The following RAP1B variants were observed in gnomAD, a reference collection of about 807,000 sequenced individuals.
The protein encoded by RAP1B is ras-related protein Rap-1b.
RAP1B carries 1 observed loss-of-function variant against 27.5 expected under a neutral mutation model. That is an observed-to-expected ratio of 0.04 (90% CI 0.01 to 0.17). The LOEUF is 0.17. RAP1B is among the 10% of genes least tolerant of loss of function. The probability of loss-of-function intolerance (pLI) is 1.00; values close to 1 mark genes in which losing one functional copy is unlikely to be tolerated. For synonymous variants in RAP1B, 75 were observed against 73.1 expected, an observed-to-expected ratio of 1.03 and a Z score of -0.13; for missense variants, 84 against 214.8, an observed-to-expected ratio of 0.39 and a Z score of 3.81.
chr12:68,662,587 T>C lies in RAP1B; in HGVS notation c.*3338T>C, dbSNP rs911886435. ...AACTTTTCTTTGAGTTAAACTCTTA[T>C]CTGTGTTTTCATTGAATTTAATCTC... On this transcript the variant is annotated 3_prime_UTR_variant, in exon 8 of 8. Transcript: ENST00000250559. The C allele has an allele frequency of 5.3e-5, 8 of 152,128 alleles. No individual in the cohort carries two copies. Among genetic ancestry groups the C allele is most frequent in the East Asian group, 3.9e-4 (2 of 5,194 alleles). The allele number at this position is 152,128 out of a possible 1,614,324, so 9.4% of individuals were successfully genotyped here.
In RAP1B at chr12:68,648,686, T is replaced by TC; in HGVS notation, c.-26-13_-26-12insC. 1 of 1,584,832 alleles carries TC rather than the reference T, an allele frequency of 6.3e-7. No homozygotes were observed. Among genetic ancestry groups the TC allele is most frequent in the South Asian group, 1.1e-5 (1 of 88,118 alleles). Reference sequence around the variant, plus strand: ...TTTACTTAGAATTCTTTTTTTTTTTTTCCTTTAATAAGGTACTAGGTTTTG... The same window carrying TC: ...TTTACTTAGAATTCTTTTTTTTTTTTCTCCTTTAATAAGGTACTAGGTTTTG... On this transcript the variant is annotated splice_polypyrimidine_tract_variant and intron_variant, in intron 1 of 7. Transcript: ENST00000250559.
chr12:68,657,725 AACACACACACACAC>A (rs61700927), intron 7 of RAP1B: 1,999 of 126,226 alleles, frequency 0.016, 33 homozygotes, highest in African/African-American at 0.035. Flanking sequence ...CCTAATTTAA[AACACACACACACAC>A]ACACACACAC....
At chr12:68,624,020 CAG>C (rs1491559881) in intron 1 of RAP1B, among the ~76,000 whole-genome samples, 1 of 141,640 alleles carries the variant, frequency 7.1e-6, no homozygotes, top group East Asian at 2.0e-4. Flanking sequence ...GACTCTATCT[CAG>C]GGAAAAAAAA....
intron 1 of RAP1B, among the ~76,000 whole-genome samples, chr12:68,620,588 A>G (rs1315821080): frequency 6.6e-6 from 1 of 150,864 alleles, no homozygotes; most frequent in Non-Finnish European, 1.5e-5. Flanking sequence ...GGATAAGTCC[A>G]AATTTTATTT....
intron 1 of RAP1B, among the ~76,000 whole-genome samples, chr12:68,639,418 C>T (rs1031120907): frequency 1.3e-5 from 2 of 152,226 alleles, no homozygotes; most frequent in African/African-American, 4.8e-5. Context: ...TTACTTTCTA[C>T]AGCTTGTTGT....
intron 5 of RAP1B, among the ~76,000 whole-genome samples, chr12:68,654,885 C>T (rs569011234): frequency 6.6e-6 from 1 of 152,266 alleles, no homozygotes; most frequent in Non-Finnish European, 1.5e-5. Context: ...ATCAGAATCA[C>T]CTGTAGGACC....
intron 5 of RAP1B, among the ~76,000 whole-genome samples, chr12:68,654,622 C>T (rs907810149): frequency 4.0e-5 from 6 of 151,762 alleles, no homozygotes; most frequent in Non-Finnish European, 8.8e-5. Flanking sequence ...GGACTACAGG[C>T]GCCTGCCACC....
intron 4 of RAP1B, among the ~76,000 whole-genome samples, chr12:68,653,633 G>A (rs1860451087): frequency 6.6e-6 from 1 of 152,016 alleles, no homozygotes. Flanking sequence ...TTTTTAAATA[G>A]GAAACCTATT....
intron 1 of RAP1B, chr12:68,642,804 C>T: frequency 1.9e-6 from 2 of 1,034,506 alleles, no homozygotes; most frequent in South Asian, 1.3e-5. Flanking sequence ...ACCAAACCGG[C>T]CTTGGCCACG....
chr12:68,619,585 C>T (rs746013754), intron 1 of RAP1B, among the ~76,000 whole-genome samples: 2 of 152,182 alleles, frequency 1.3e-5, no homozygotes, highest in African/African-American at 2.4e-5. Flanking sequence ...GGTGTAGTGT[C>T]AAAGACCAGT....
At chr12:68,652,094 G>A in intron 4 of RAP1B, 43 bp downstream of exon 4, 1 of 1,424,210 alleles carries the variant, frequency 7.0e-7, no homozygotes, top group Non-Finnish European at 9.8e-7. Context: ...CGTTTGTACA[G>A]TATTGACTTC....
Position 68,667,763 on chromosome 12 carries a change from A to C in RAP1B, c.*8514A>C, listed in dbSNP as rs1358047843. The C allele has an allele frequency of 1.3e-5, 2 of 152,220 alleles. No homozygotes were observed. The highest frequency in any genetic ancestry group is 1.3e-4 in the Admixed American group (2 of 15,270). The allele number at this position is 152,220 out of a possible 1,614,324, so 9.4% of individuals were successfully genotyped here. A position where few individuals can be genotyped will look rare whatever the true frequency, so the allele number is the denominator to read the frequency against. On this transcript the variant is annotated 3_prime_UTR_variant, in exon 8 of 8. Coordinates refer to ENST00000250559, the MANE Select transcript of RAP1B (RefSeq NM_001010942.3). ...TCCTTTGCATTTTCCAACTTTAGTA[A>C]AGCATGACTTCATGCCTTGGATCAT...
Position 68,664,038 on chromosome 12 carries a change from ATGT to A in RAP1B, c.*4794_*4796del, listed in dbSNP as rs1034233344. On this transcript the variant is annotated 3_prime_UTR_variant, in exon 8 of 8. Transcript: ENST00000250559. ...AAAGGGTACGAAGACAGTTTTTACT[ATGT>A]TGTTTTACTATGAACCTAGTTTAAC... 1 of 152,168 alleles carries A rather than the reference ATGT, an allele frequency of 6.6e-6. No homozygotes were observed. 9.4% of individuals were successfully genotyped at this position (152,168 alleles called of 1,614,324 possible).
At chr12:68,654,293 C>G in intron 5 of RAP1B, 41 bp downstream of exon 5, 3 of 1,362,386 alleles carry the variant, frequency 2.2e-6, no homozygotes, top group Non-Finnish European at 2.9e-6. Context: ...TTTCAAAACC[C>G]TGATTATAAT....
chr12:68,619,434 T>C (rs1368405452), intron 1 of RAP1B, among the ~76,000 whole-genome samples: 2 of 152,208 alleles, frequency 1.3e-5, no homozygotes, highest in African/African-American at 4.8e-5. Flanking sequence ...AAATGATCAA[T>C]GCATAGTATT....
rs115650289 is a variant in RAP1B, at chr12:68,670,155, C to G, written c.*10906C>G. The G allele has an allele frequency of 6.6e-6, 1 of 151,874 alleles. No individual in the cohort carries two copies. The highest frequency in any genetic ancestry group is 1.5e-5 in the Non-Finnish European group (1 of 68,036). 9.4% of individuals were successfully genotyped at this position (151,874 alleles called of 1,614,324 possible). A position where few individuals can be genotyped will look rare whatever the true frequency, so the allele number is the denominator to read the frequency against. On this transcript the variant is annotated 3_prime_UTR_variant, in exon 8 of 8. Coordinates refer to ENST00000250559, the MANE Select transcript of RAP1B (RefSeq NM_001010942.3). The stretch of plus-strand genomic sequence containing the variant: ...TTCTCCATGTTGGTCAGGCTAGTTG[C>G]GAACTCCCAACCTCAGGTCATCTGC...
chr12:68,616,170 GC>G (rs1276315918), intron 1 of RAP1B, among the ~76,000 whole-genome samples: 3 of 152,172 alleles, frequency 2.0e-5, no homozygotes, highest in Non-Finnish European at 4.4e-5. Context: ...CACTGTGTTA[GC>G]CAGGATGGTC....
Position 68,662,226 on chromosome 12 carries a change from C to A in RAP1B, c.*2977C>A, listed in dbSNP as rs1874639559. 2 of 151,518 alleles carry A rather than the reference C, an allele frequency of 1.3e-5. No individual in the cohort carries two copies. The highest frequency in any genetic ancestry group is 4.1e-4 in the South Asian group (2 of 4,828). The allele number at this position is 151,518 out of a possible 1,614,324, so 9.4% of individuals were successfully genotyped here. A position where few individuals can be genotyped will look rare whatever the true frequency, so the allele number is the denominator to read the frequency against. On this transcript the variant is annotated 3_prime_UTR_variant, in exon 8 of 8. Coordinates refer to ENST00000250559, the MANE Select transcript of RAP1B (RefSeq NM_001010942.3). ...GCACAACTCATGTAGATTGACTTTT[C>A]TGGTGCTTAATGGGAAAATACTAAA...
rs1234041317 is a variant in RAP1B, at chr12:68,671,603, A to G, written c.*12354A>G. Reference sequence around the variant, plus strand: ...TGGGCACCTGGGAAAGGAGATGAAGAAAGCAACTGAAGGATATTTACCAAG... The same window carrying G: ...TGGGCACCTGGGAAAGGAGATGAAGGAAGCAACTGAAGGATATTTACCAAG... On this transcript the variant is annotated 3_prime_UTR_variant, in exon 8 of 8. Coordinates refer to ENST00000250559, the MANE Select transcript of RAP1B (RefSeq NM_001010942.3). 1 of 152,196 alleles carries G rather than the reference A, an allele frequency of 6.6e-6. No homozygotes were observed. The highest frequency in any genetic ancestry group is 1.9e-4 in the East Asian group (1 of 5,206). The allele number at this position is 152,196 out of a possible 1,614,324, so 9.4% of individuals were successfully genotyped here.
Sources: gnomAD v4.1 joint callset for allele counts (sites outside exome capture counted in the v4.1 genomes callset) on GRCh38, gnomAD v4.1.1 for gene constraint, MANE v1.5 for transcripts, NCBI Gene and HGNC (gene_info 2026-07-23, HGNC 2026-07-21) for gene names.